Variants in NFIB observed in about 807,000 individuals in gnomAD.
NFIB encodes the protein nuclear factor 1 B-type.
Under a neutral mutation model 61.5 loss-of-function variants are expected in NFIB, and 11 were observed. The ratio of observed to expected loss-of-function variants is 0.18; its 90% CI spans 0.11 to 0.30. The LOEUF is 0.30. NFIB is among the 10% of genes least tolerant of loss of function. NFIB has a pLI of 1.00. For synonymous variants in NFIB, 260 were observed against 216.5 expected, an observed-to-expected ratio of 1.20 and a Z score of -1.76; for missense variants, 471 against 608.9, an observed-to-expected ratio of 0.77 and a Z score of 2.38.
rs1173627718 is a variant in NFIB at position 14,084,846 on chromosome 9, G to C, written c.*3463C>G. 4.4e-6 allele frequency: 1 copy of C among 224,800 alleles called. No individual in the cohort carries two copies. The highest frequency in any genetic ancestry group is 8.7e-6 in the Non-Finnish European group (1 of 115,428). 13.9% of individuals were successfully genotyped at this position (224,800 alleles called of 1,614,324 possible). Reference sequence around the variant, plus strand: ...ACTTTTAATAGTTTTATCTCAAAAAGGAAAGAAGAAAAAATTGATTTGAAA... The same window carrying C: ...ACTTTTAATAGTTTTATCTCAAAAACGAAAGAAGAAAAAATTGATTTGAAA... On this transcript the variant is annotated 3_prime_UTR_variant, in exon 11 of 11. Transcript: ENST00000380953.
At chr9:14,368,037 C>T (rs1029676710) in intron 1 of NFIB, among the ~76,000 whole-genome samples, 18 of 151,974 alleles carry the variant, frequency 1.2e-4, no homozygotes, top group African/African-American at 3.9e-4. Flanking sequence ...CACATGTACA[C>T]TTATGTACAC....
intron 1 of NFIB, among the ~76,000 whole-genome samples, chr9:14,351,541 C>G (rs1394163207): frequency 1.3e-5 from 2 of 152,196 alleles, no homozygotes; most frequent in African/African-American, 4.8e-5. Flanking sequence ...TTTCTCACCT[C>G]CCATCCTACG....
intron 2 of NFIB, among the ~76,000 whole-genome samples, chr9:14,269,648 T>C (rs1328377243): frequency 2.0e-5 from 3 of 152,222 alleles, no homozygotes; most frequent in Admixed American, 6.5e-5. Context: ...AAAGCATTCA[T>C]GCCAACCCTC....
At chr9:14,477,768 A>T in the NFIB span, among the ~76,000 whole-genome samples, 2 of 152,194 alleles carry the variant, frequency 1.3e-5, no homozygotes, top group African/African-American at 2.4e-5. Flanking sequence ...TATTCAGAAG[A>T]TGTATAGATT....
chr9:14,323,079 C>A (rs2060701002), intron 1 of NFIB, among the ~76,000 whole-genome samples: 1 of 152,254 alleles, frequency 6.6e-6, no homozygotes, highest in Admixed American at 6.5e-5. Flanking sequence ...CTTCGCCAGG[C>A]CACGTTTGTT....
chr9:14,408,197 G>A, the NFIB span, among the ~76,000 whole-genome samples: 3 of 152,144 alleles, frequency 2.0e-5, no homozygotes, highest in Non-Finnish European at 2.9e-5. Context: ...CATGAGCCAC[G>A]GGAGCTGGGC....
At chr9:14,128,660 T>C (rs111586605) in intron 6 of NFIB, among the ~76,000 whole-genome samples, 3,178 of 147,582 alleles carry the variant, frequency 0.022, 114 homozygotes, top group African/African-American at 0.076. Context: ...ATAGTGTCAT[T>C]GCACTCCAGC....
chr9:14,122,682 G>A (rs936828224), intron 7 of NFIB, among the ~76,000 whole-genome samples: 2 of 152,044 alleles, frequency 1.3e-5, no homozygotes, highest in Non-Finnish European at 2.9e-5. Flanking sequence ...CATGATTTTT[G>A]CTCACATCTG....
chr9:14,118,862 A>G (rs999090543), intron 8 of NFIB, among the ~76,000 whole-genome samples: 3 of 151,398 alleles, frequency 2.0e-5, no homozygotes, highest in African/African-American at 7.3e-5. Context: ...CAATATAGGC[A>G]GATTATCACC....
At chr9:14,192,162 A>C (rs1805151850) in intron 2 of NFIB, among the ~76,000 whole-genome samples, 1 of 152,224 alleles carries the variant, frequency 6.6e-6, no homozygotes, top group East Asian at 1.9e-4. Context: ...TAATCAGACA[A>C]GATCAAATTC....
At chr9:14,272,374 C>T (rs1237118754) in intron 2 of NFIB, among the ~76,000 whole-genome samples, 2 of 152,040 alleles carry the variant, frequency 1.3e-5, no homozygotes, top group Non-Finnish European at 1.5e-5. Flanking sequence ...AGAGCCATGA[C>T]ATTTTTCCTT....
chr9:14,291,946 C>A (rs2059131034), intron 2 of NFIB, among the ~76,000 whole-genome samples: 1 of 152,074 alleles, frequency 6.6e-6, no homozygotes, highest in African/African-American at 2.4e-5. Context: ...TTTAGTGTAT[C>A]TTCCATCCAC....
chr9:14,203,533 T>C (rs1425358386), intron 2 of NFIB, among the ~76,000 whole-genome samples: 1 of 152,118 alleles, frequency 6.6e-6, no homozygotes, highest in Non-Finnish European at 1.5e-5. Flanking sequence ...CTGCCAAGAG[T>C]GTCTTGGCAC....
intron 1 of NFIB, among the ~76,000 whole-genome samples, chr9:14,372,080 G>A (rs1042928029): frequency 1.4e-4 from 21 of 151,642 alleles, no homozygotes; most frequent in Admixed American, 2.0e-4. Context: ...TCTCAGGTGC[G>A]CACCATCTGA....
At chr9:14,379,623 T>C (rs2061460871) in intron 1 of NFIB, among the ~76,000 whole-genome samples, 1 of 152,186 alleles carries the variant, frequency 6.6e-6, no homozygotes, top group Non-Finnish European at 1.5e-5. Flanking sequence ...GAGAGCTTAA[T>C]TTACAATCAC....
the NFIB span, among the ~76,000 whole-genome samples, chr9:14,429,384 C>G: frequency 6.6e-6 from 1 of 152,210 alleles, no homozygotes. Flanking sequence ...AAGGCAGGAT[C>G]TGAATCCAGG....
At position 14,313,790 on chromosome 9, in the gene NFIB, C is replaced by A. The variant is rs921921830; in HGVS notation, c.-279G>T. 7.5e-7 allele frequency: 1 copy of A among 1,330,592 alleles called. No individual in the cohort carries two copies. The highest frequency in any genetic ancestry group is 9.6e-7 in the Non-Finnish European group (1 of 1,040,660). 82.4% of individuals were successfully genotyped at this position (1,330,592 alleles called of 1,614,324 possible). On this transcript the variant is annotated 5_prime_UTR_variant, in exon 1 of 11. Transcript: ENST00000380953. The surrounding 1 kb of genome is among the most constrained non-coding windows in gnomAD (Gnocchi z 4.5). ...CGCTGGCCGTGCTTGCCGAGGCCGC[C>A]GCCGCCGCCGGTGTTGGCTGCTTTT...
the NFIB span, among the ~76,000 whole-genome samples, chr9:14,470,374 G>A: frequency 5.9e-5 from 9 of 152,032 alleles, no homozygotes; most frequent in African/African-American, 2.2e-4. Context: ...CCATATTTGT[G>A]AGCTTTCAAC....
At chr9:14,334,234 G>A (rs1013358786) in intron 1 of NFIB, among the ~76,000 whole-genome samples, 1 of 152,178 alleles carries the variant, frequency 6.6e-6, no homozygotes, top group Admixed American at 6.5e-5. Flanking sequence ...ATAAGCCTAT[G>A]AGTAGAATTT....
Sources: gnomAD v4.1 joint callset for allele counts (sites outside exome capture counted in the v4.1 genomes callset) on GRCh38, gnomAD v4.1.1 for gene constraint, Gnocchi (gnomAD v3.1) non-coding constraint, MANE v1.5 for transcripts, NCBI Gene and HGNC (gene_info 2026-07-23, HGNC 2026-07-21) for gene names.